The following SECISBP2 variants were observed in gnomAD, a reference collection of about 807,000 sequenced individuals.
SECISBP2 encodes the protein selenocysteine insertion sequence-binding protein 2.
In SECISBP2, 96 loss-of-function variants were observed where a neutral mutation model predicts 98.2. That is an observed-to-expected ratio of 0.98 (90% CI 0.83 to 1.16). The LOEUF (loss-of-function observed/expected upper bound fraction) is 1.16. SECISBP2 is among the 50% of genes most tolerant of loss of function. The probability of loss-of-function intolerance (pLI) is 0.00; values close to 1 mark genes in which losing one functional copy is unlikely to be tolerated. For missense variants in SECISBP2, 1,046 were observed against 1,022.9 expected (o/e 1.02, Z -0.31); for synonymous variants, 407 against 370.2 (o/e 1.10, Z -1.14).
chr9:89,336,927 A>G (rs897718396), intron 7 of SECISBP2, among the ~76,000 whole-genome samples: 1 of 151,894 alleles, frequency 6.6e-6, no homozygotes, highest in Non-Finnish European at 1.5e-5. Context: ...GCCCGCCACC[A>G]TGCCTGGCTA....
At chr9:89,347,572 G>C (rs1361314982) in intron 11 of SECISBP2, among the ~76,000 whole-genome samples, 1 of 147,414 alleles carries the variant, frequency 6.8e-6, no homozygotes, top group Non-Finnish European at 1.5e-5. Context: ...TCCACCTCCC[G>C]GGTTCAAGCA....
At chr9:89,325,714 G>A in intron 3 of SECISBP2, 38 bp downstream of exon 3, 1 of 1,613,714 alleles carries the variant, frequency 6.2e-7, no homozygotes, top group East Asian at 2.2e-5. Flanking sequence ...CCTTTAGTTG[G>A]TTGCTTTAAT....
intron 2 of SECISBP2, among the ~76,000 whole-genome samples, chr9:89,320,712 T>C (rs1825658252): frequency 6.6e-6 from 1 of 152,330 alleles, no homozygotes; most frequent in East Asian, 1.9e-4. Flanking sequence ...ATTTTCTTTT[T>C]CCTTCTCAGG....
chr9:89,328,614 A>C, intron 4 of SECISBP2, 46 bp from the exon 5 acceptor site: 2 of 1,536,564 alleles, frequency 1.3e-6, no homozygotes, highest in Non-Finnish European at 1.8e-6. Flanking sequence ...CTGGTCATCA[A>C]ACAGTAACTA....
downstream of SECISBP2, chr9:89,361,333 C>T (rs1157143054): frequency 1.3e-5 from 2 of 152,192 alleles, no homozygotes; most frequent in East Asian, 3.9e-4. Context: ...AGAGGGGATG[C>T]AAAACAGGTC....
chr9:89,337,307 T>C (rs967722628), intron 7 of SECISBP2, among the ~76,000 whole-genome samples: 3 of 152,236 alleles, frequency 2.0e-5, no homozygotes, highest in Non-Finnish European at 4.4e-5. Context: ...GCATTTTACA[T>C]AGCTGGAGTG....
chr9:89,318,819 C>A, intron 1 of SECISBP2: 1 of 1,274,582 alleles, frequency 7.8e-7, no homozygotes, highest in Non-Finnish European at 9.9e-7. Flanking sequence ...AGACCCCGCC[C>A]ACAGTTAGCG....
Position 89,358,767 on chromosome 9 carries a change from G to A in SECISBP2, c.2508G>A (p.Leu836=), listed in dbSNP as rs1588032358. ...KHLEAYSGCT[L]ELEESLEAST... ...TGGAAGCATACAGTGGATGTACCCT[G>A]GAGCTAGAAGAATCCTTGGAGGCTT... Residue 836 remains leucine (L), a synonymous_variant, in exon 17 of 17, where the codon CTG becomes CTA. Coordinates refer to ENST00000375807, the MANE Select transcript of SECISBP2 (RefSeq NM_024077.5). 6.2e-7 allele frequency: 1 copy of A among 1,614,030 alleles called. No individual in the cohort carries two copies. Among genetic ancestry groups the A allele is most frequent in the East Asian group, 2.2e-5 (1 of 44,888 alleles).
At chr9:89,338,757 T>C (rs80298072) in intron 8 of SECISBP2, among the ~76,000 whole-genome samples, 177 bp downstream of exon 8, 24,732 of 152,164 alleles carry the variant, frequency 0.16, 2,493 homozygotes, top group Admixed American at 0.32. Context: ...GGCTTCCCAG[T>C]TGTCTCAGAG....
At chr9:89,363,317 A>G, downstream of SECISBP2, 4 of 1,468,432 alleles carry the variant, frequency 2.7e-6, no homozygotes, top group Non-Finnish European at 3.6e-6. Context: ...CGGGGCTAAG[A>G]GGGAACAAGT....
At chr9:89,366,335 AT>A in the SECISBP2 span, among the ~76,000 whole-genome samples, 1,872 of 152,312 alleles carry the variant, frequency 0.012, 34 homozygotes, top group African/African-American at 0.042. Context: ...TTCCAAACTT[AT>A]AACAAACAAG....
intron 1 of SECISBP2, 53 bp from the exon 2 acceptor site, chr9:89,319,599 A>G: frequency 1.9e-6 from 3 of 1,603,722 alleles, no homozygotes; most frequent in Non-Finnish European, 1.7e-6. Flanking sequence ...TTGTTTGTTT[A>G]TATTTGCTTG....
At position 89,328,970 on chromosome 9, in the gene SECISBP2, T is replaced by A. The variant is rs1018845906; in HGVS notation, c.801+84T>A. ...TCAAACATTACACATTAAATCTTGC[T>A]GTGGGCTTTGATGTCCATGGAGCTG... On this transcript the variant is annotated intron_variant, in intron 5 of 16. Coordinates refer to ENST00000375807, the MANE Select transcript of SECISBP2 (RefSeq NM_024077.5). 3 of 1,167,340 alleles carry A rather than the reference T, an allele frequency of 2.6e-6. No homozygotes were observed. The Admixed American group carries it at 5.9e-5, about 23-fold the overall frequency. The allele number at this position is 1,167,340 out of a possible 1,614,324, so 72.3% of individuals were successfully genotyped here. A position where few individuals can be genotyped will look rare whatever the true frequency, so the allele number is the denominator to read the frequency against.
At chr9:89,353,213 A>G (rs576756110) in intron 14 of SECISBP2, among the ~76,000 whole-genome samples, 1 of 152,266 alleles carries the variant, frequency 6.6e-6, no homozygotes, top group East Asian at 1.9e-4. Context: ...ACTTCCAGCA[A>G]GTTCCCAGGT....
intron 7 of SECISBP2, among the ~76,000 whole-genome samples, chr9:89,337,119 G>A (rs1201245769): frequency 6.6e-6 from 1 of 152,118 alleles, no homozygotes; most frequent in Admixed American, 6.5e-5. Context: ...CACTCTCAGA[G>A]CCGGTTTTCC....
chr9:89,327,812 G>GT (rs555623897), intron 4 of SECISBP2, among the ~76,000 whole-genome samples: 15,588 of 136,780 alleles, frequency 0.11, 948 homozygotes, highest in South Asian at 0.24. Flanking sequence ...GTCGTTTTGT[G>GT]TTTTTTTTTT....
intron 2 of SECISBP2, chr9:89,322,863 A>G (rs965023078): frequency 6.6e-6 from 1 of 152,222 alleles, no homozygotes; most frequent in East Asian, 1.9e-4. Context: ...AAGCCTGCAT[A>G]GTACAGCTGA....
intron 10 of SECISBP2, among the ~76,000 whole-genome samples, chr9:89,341,795 A>G (rs546001081): frequency 8.5e-5 from 13 of 152,354 alleles, no homozygotes; most frequent in South Asian, 6.2e-4. Context: ...CATAGATCCA[A>G]ATGAACTCAA....
chr9:89,338,632 T>C, intron 8 of SECISBP2, 52 bp downstream of exon 8: 1 of 1,575,364 alleles, frequency 6.3e-7, no homozygotes, highest in Non-Finnish European at 8.6e-7. Flanking sequence ...TGGGTCTTTC[T>C]TAAAAGAAAC....
Sources: allele counts gnomAD v4.1 joint callset (sites outside exome capture counted in the v4.1 genomes callset), GRCh38; gene constraint gnomAD v4.1.1; transcripts MANE v1.5; gene names NCBI Gene and HGNC (gene_info 2026-07-23, HGNC 2026-07-21).